PRKG1: variants seen among roughly 807,000 people sequenced by gnomAD.
PRKG1 encodes cGMP-dependent protein kinase 1.
A neutral mutation model predicts 88.1 loss-of-function variants in PRKG1; 35 were observed. That is an observed-to-expected ratio of 0.40 (90% CI 0.30 to 0.53). The LOEUF (loss-of-function observed/expected upper bound fraction) is 0.53. Among genes scored for constraint, PRKG1 ranks in the 20% least tolerant of loss-of-function variants. PRKG1 has a pLI of 0.59. For missense variants in PRKG1, 540 were observed against 839.8 expected (o/e 0.64, Z 4.41); for synonymous variants, 303 against 292.5 (o/e 1.04, Z -0.37).
intron 3 of PRKG1, among the ~76,000 whole-genome samples, chr10:51,620,254 G>C (rs10998517): frequency 0.094 from 14,233 of 151,966 alleles, 910 homozygotes; most frequent in African/African-American, 0.17. Context: ...AAAAATAACC[G>C]AAGGATTTCC....
intron 2 of PRKG1, among the ~76,000 whole-genome samples, chr10:51,342,060 C>T (rs898772332): frequency 8.5e-5 from 13 of 152,148 alleles, no homozygotes; most frequent in African/African-American, 2.9e-4. Context: ...ATATCAGTAA[C>T]CGATATTAGA....
At chr10:51,384,290 T>C (rs1398851946) in intron 2 of PRKG1, among the ~76,000 whole-genome samples, 1 of 152,128 alleles carries the variant, frequency 6.6e-6, no homozygotes, top group Non-Finnish European at 1.5e-5. Flanking sequence ...AGTTCTACCT[T>C]CATAAAAACA....
chr10:51,145,406 GA>G (rs1360295596), intron 1 of PRKG1, among the ~76,000 whole-genome samples: 1 of 152,112 alleles, frequency 6.6e-6, no homozygotes, highest in Non-Finnish European at 1.5e-5. Context: ...TTCAGAAATA[GA>G]GTTAGTTCTT....
At chr10:52,145,484 A>G (rs1285777917) in intron 8 of PRKG1, among the ~76,000 whole-genome samples, 2 of 152,302 alleles carry the variant, frequency 1.3e-5, no homozygotes, top group South Asian at 2.1e-4. Context: ...AAATCTCTTT[A>G]CCTTTTTTAT....
chr10:51,698,801 A>C (rs1012484888), intron 3 of PRKG1: 2 of 1,614,156 alleles, frequency 1.2e-6, no homozygotes, highest in Non-Finnish European at 1.7e-6. Context: ...CAGAGGAGGA[A>C]TGTCCTTCAC....
chr10:51,850,489 T>TTATATATATATATATATA (rs141736837), intron 4 of PRKG1, among the ~76,000 whole-genome samples: 3 of 143,572 alleles, frequency 2.1e-5, no homozygotes, highest in African/African-American at 7.4e-5. Context: ...TGTTGCAATT[T>TTATATATATATATATATA]TATATATATA....
At chr10:51,620,644 A>G (rs1589136600) in intron 3 of PRKG1, among the ~76,000 whole-genome samples, 1 of 151,892 alleles carries the variant, frequency 6.6e-6, no homozygotes, top group Non-Finnish European at 1.5e-5. Flanking sequence ...TAATATTCCT[A>G]TTGTTTCTAC....
chr10:51,699,238 A>G (rs2292828), intron 3 of PRKG1: 273,671 of 1,613,698 alleles, frequency 0.17, 31,158 homozygotes, highest in African/African-American at 0.59. Flanking sequence ...CTGCAGGCCC[A>G]AGGCTCTTTA....
chr10:52,065,194 A>G (rs1846328009), intron 7 of PRKG1, among the ~76,000 whole-genome samples: 1 of 152,190 alleles, frequency 6.6e-6, no homozygotes, highest in South Asian at 2.1e-4. Context: ...TCCAATAACC[A>G]GTATATCTCA....
intron 7 of PRKG1, among the ~76,000 whole-genome samples, chr10:52,091,737 C>T (rs1365333816): frequency 2.0e-5 from 3 of 152,132 alleles, no homozygotes; most frequent in Non-Finnish European, 4.4e-5. Context: ...TATATCAAAG[C>T]AGAAATGTTC....
At chr10:51,326,654 A>G (rs1014832289) in intron 2 of PRKG1, among the ~76,000 whole-genome samples, 1 of 152,146 alleles carries the variant, frequency 6.6e-6, no homozygotes, top group Admixed American at 6.5e-5. Flanking sequence ...CTAGAGTAAA[A>G]ACAAAGTTAC....
At chr10:51,997,334 G>A (rs1426769831) in intron 5 of PRKG1, among the ~76,000 whole-genome samples, 3 of 151,940 alleles carry the variant, frequency 2.0e-5, no homozygotes, top group African/African-American at 7.3e-5. Flanking sequence ...AGCTGGGCGT[G>A]GTGGTGGGTG....
chr10:51,228,229 A>T (rs1838744313), intron 2 of PRKG1, among the ~76,000 whole-genome samples: 1 of 152,166 alleles, frequency 6.6e-6, no homozygotes, highest in South Asian at 2.1e-4. Context: ...GAGTTATGTT[A>T]TTGTGTCTGC....
chr10:51,244,796 T>C (rs866392379), intron 2 of PRKG1: 2 of 151,888 alleles, frequency 1.3e-5, no homozygotes, highest in South Asian at 4.1e-4. Context: ...AGTCACTTAC[T>C]GGAAAAAAAT....
intron 5 of PRKG1, among the ~76,000 whole-genome samples, chr10:51,958,295 G>T (rs929666481): frequency 2.0e-5 from 3 of 150,448 alleles, no homozygotes; most frequent in South Asian, 2.2e-4. Flanking sequence ...CAAGAAAAAA[G>T]ACCTTAGAAC....
At chr10:51,556,029 T>A (rs1234996256) in intron 3 of PRKG1, among the ~76,000 whole-genome samples, 1 of 151,894 alleles carries the variant, frequency 6.6e-6, no homozygotes, top group Non-Finnish European at 1.5e-5. Context: ...GAAGGTAAGC[T>A]GTAAGGAATA....
At chr10:51,100,563 T>C (rs1844653997) in intron 1 of PRKG1, among the ~76,000 whole-genome samples, 1 of 152,220 alleles carries the variant, frequency 6.6e-6, no homozygotes, top group Non-Finnish European at 1.5e-5. Context: ...CTGTTACAGC[T>C]GTGACTGCCA....
chr10:51,074,426 C>T (rs770276598), upstream of PRKG1: 1 of 1,444,834 alleles, frequency 6.9e-7, no homozygotes, highest in Admixed American at 2.9e-5. Flanking sequence ...TGGCTGGAGC[C>T]GGCGGACTGG....
intron 2 of PRKG1, among the ~76,000 whole-genome samples, chr10:51,288,106 TCTTC>T (rs35153061): frequency 0.24 from 36,263 of 150,890 alleles, 6,504 homozygotes; most frequent in African/African-American, 0.51. Flanking sequence ...AGGATTTTTT[TCTTC>T]CTATTTTTTT....
Sources: gnomAD v4.1 joint callset for allele counts (sites outside exome capture counted in the v4.1 genomes callset) on GRCh38, gnomAD v4.1.1 for gene constraint, MANE v1.5 for transcripts, NCBI Gene and HGNC (gene_info 2026-07-23, HGNC 2026-07-21) for gene names.